Variants in TRAK1 observed in about 807,000 individuals in gnomAD.
The protein encoded by TRAK1 is trafficking kinesin-binding protein 1.
TRAK1 carries 33 observed loss-of-function variants against 92.1 expected under a neutral mutation model. The ratio of observed to expected loss-of-function variants is 0.36; its 90% CI spans 0.27 to 0.48. TRAK1 has a LOEUF of 0.48. TRAK1 is among the 20% of genes least tolerant of loss of function. The probability of loss-of-function intolerance (pLI) is 0.99; values close to 1 mark genes in which losing one functional copy is unlikely to be tolerated. For missense variants in TRAK1, 1,123 were observed against 1,257.9 expected (o/e 0.89, Z 1.62); for synonymous variants, 521 against 517.3 (o/e 1.01, Z -0.10).
At position 42,151,565 on chromosome 3, in the gene TRAK1, A is replaced by T. The variant is rs544038243; in HGVS notation, c.287-25249A>T. 30 of 294,606 alleles carry T rather than the reference A, an allele frequency of 1.0e-4. 1 individual carries two copies. Among genetic ancestry groups the T allele is most frequent in the South Asian group, 8.4e-4 (29 of 34,370 alleles). The allele number at this position is 294,606 out of a possible 1,614,324, so 18.2% of individuals were successfully genotyped here. Reference sequence around the variant, plus strand: ...GGTTTTTGAGACAGAATTTACTGGGACCACTGGTATTTTCATACTCCCATT... The same window carrying T: ...GGTTTTTGAGACAGAATTTACTGGGTCCACTGGTATTTTCATACTCCCATT... On this transcript the variant is annotated intron_variant, in intron 2 of 15. Transcript: ENST00000327628.
chr3:42,204,423 T>C (rs1281595437), intron 13 of TRAK1, among the ~76,000 whole-genome samples: 1 of 152,236 alleles, frequency 6.6e-6, no homozygotes, highest in Non-Finnish European at 1.5e-5. Context: ...GAAATCCTGT[T>C]AGATTAGCAA....
intron 1 of TRAK1, among the ~76,000 whole-genome samples, chr3:42,035,939 G>A (rs1307873399): frequency 6.6e-6 from 1 of 152,224 alleles, no homozygotes; most frequent in East Asian, 1.9e-4. Flanking sequence ...GGCAGCTCCA[G>A]CTTGTGCTGG....
chr3:42,173,702 TCA>T (rs1446367518), intron 2 of TRAK1, among the ~76,000 whole-genome samples: 1 of 152,226 alleles, frequency 6.6e-6, no homozygotes, highest in Non-Finnish European at 1.5e-5. Flanking sequence ...CAATGCAGCC[TCA>T]TTCTCTGTGA....
intron 13 of TRAK1, among the ~76,000 whole-genome samples, chr3:42,206,380 A>G (rs1428084702): frequency 6.6e-6 from 1 of 152,146 alleles, no homozygotes; most frequent in Non-Finnish European, 1.5e-5. Flanking sequence ...GAATCTAGAA[A>G]GCCATTCAGT....
At chr3:42,078,534 AT>A (rs2148947269) in intron 1 of TRAK1, among the ~76,000 whole-genome samples, 1 of 152,060 alleles carries the variant, frequency 6.6e-6, no homozygotes, top group East Asian at 1.9e-4. Flanking sequence ...CAGGCGGATC[AT>A]GAGGTCAGGA....
chr3:42,154,490 T>C (rs1277939144), intron 2 of TRAK1, among the ~76,000 whole-genome samples: 1 of 151,998 alleles, frequency 6.6e-6, no homozygotes. Flanking sequence ...TTTATTTATT[T>C]ATTTAGAGGC....
rs536156969 is a variant in TRAK1, at chr3:42,202,465, C to T, written c.1457C>T (p.Thr486Met). 2.2e-5 allele frequency: 33 copies of T among 1,487,096 alleles called. No individual in the cohort carries two copies. The Middle Eastern group carries it at 1.6e-3, about 73-fold the overall frequency. The allele number at this position is 1,487,096 out of a possible 1,614,324, so 92.1% of individuals were successfully genotyped here. The stretch of plus-strand genomic sequence containing the variant: ...GATGAGCGGAGTAAGAAGCCGGGGA[C>T]GCCGGGCACCCCAGGCTCCCACGAC... ...GNDERSKKPG[T>M]PGTPGSHDLE... The change falls in exon 13 of 16, where the codon ACG (threonine) becomes ATG (methionine). Residue 486 changes from threonine to methionine, a missense_variant. Around this residue, in one of 3 missense-constraint regions of TRAK1, gnomAD observed 686 missense variants for 747.6 expected, o/e 0.92. Coordinates refer to ENST00000327628, the MANE Select transcript of TRAK1 (RefSeq NM_001042646.3). This position sits in a 1 kb window ranked among gnomAD's most constrained non-coding sequence, Gnocchi z 6.1.
Position 42,212,424 on chromosome 3 carries a change from C to G in TRAK1, c.1963+2439C>G, listed in dbSNP as rs59942386. 11,544 of 985,290 alleles carry G rather than the reference C, an allele frequency of 0.012. 953 individuals are homozygous for G. The African/African-American group carries it at 0.18, about 15-fold the overall frequency. 61.0% of individuals were successfully genotyped at this position (985,290 alleles called of 1,614,324 possible). A position where few individuals can be genotyped will look rare whatever the true frequency, so the allele number is the denominator to read the frequency against. On this transcript the variant is annotated intron_variant, in intron 14 of 15. Coordinates refer to ENST00000327628, the MANE Select transcript of TRAK1 (RefSeq NM_001042646.3). ...GAAGGAAATTGGGAAAACTTGTATG[C>G]TAGGCACTTTTGTCCAGAGCCTGCT...
At chr3:42,195,210 G>A (rs552720988) in intron 10 of TRAK1, among the ~76,000 whole-genome samples, 6 of 152,182 alleles carry the variant, frequency 3.9e-5, no homozygotes, top group Non-Finnish European at 8.8e-5. Flanking sequence ...GCTTTAGTGG[G>A]AACCTGAGGT....
intron 2 of TRAK1, among the ~76,000 whole-genome samples, chr3:42,174,328 A>C (rs140544114): frequency 6.6e-6 from 1 of 152,268 alleles, no homozygotes; most frequent in Non-Finnish European, 1.5e-5. Flanking sequence ...ATAAAATTAC[A>C]TAGAGCTTAA....
At chr3:42,126,972 G>T (rs1030517040) in intron 2 of TRAK1, among the ~76,000 whole-genome samples, 3 of 152,140 alleles carry the variant, frequency 2.0e-5, no homozygotes, top group Non-Finnish European at 4.4e-5. Context: ...CCACACCAGG[G>T]TAGATATGAA....
At position 42,202,376 on chromosome 3, in the gene TRAK1, G is replaced by C. The variant is rs73831717; in HGVS notation, c.1428-60G>C. 84,802 of 1,434,824 alleles carry C rather than the reference G, an allele frequency of 0.059. 2,729 individuals are homozygous for C. Among genetic ancestry groups the C allele is most frequent in the Middle Eastern group, 0.075 (280 of 3,716 alleles). The allele number at this position is 1,434,824 out of a possible 1,614,324, so 88.9% of individuals were successfully genotyped here. On this transcript the variant is annotated intron_variant, in intron 12 of 15. Coordinates refer to ENST00000327628, the MANE Select transcript of TRAK1 (RefSeq NM_001042646.3). This position sits in a 1 kb window ranked among gnomAD's most constrained non-coding sequence, Gnocchi z 6.1. ...TCCACCGCTGTGCATTGAGCAGTCG[G>C]GCCTCTGTGGCCTTGGAGCCCTGCT...
At chr3:42,038,803 G>GTTTTTTT (rs35147167) in intron 1 of TRAK1, among the ~76,000 whole-genome samples, 6 of 96,760 alleles carry the variant, frequency 6.2e-5, no homozygotes, top group African/African-American at 9.1e-5. Flanking sequence ...AAAAAAAAAA[G>GTTTTTTT]TTTTTTTTTT....
At chr3:42,038,271 A>G (rs1702398263) in intron 1 of TRAK1, among the ~76,000 whole-genome samples, 1 of 152,136 alleles carries the variant, frequency 6.6e-6, no homozygotes. Flanking sequence ...GGGTGTTGGG[A>G]TAGGGTCAGG....
chr3:42,213,483 G>A (rs1011608289), intron 14 of TRAK1, among the ~76,000 whole-genome samples: 11 of 152,352 alleles, frequency 7.2e-5, no homozygotes, highest in South Asian at 2.1e-4. Context: ...AGCTTCTTTC[G>A]TTGCCTCCTT....
intron 13 of TRAK1, among the ~76,000 whole-genome samples, chr3:42,209,080 C>A (rs1708661654): frequency 6.6e-6 from 1 of 152,148 alleles, no homozygotes; most frequent in Non-Finnish European, 1.5e-5. Flanking sequence ...AGAAGATGGG[C>A]TCCCCTGCTT....
chr3:42,155,181 C>T (rs1221697116), intron 2 of TRAK1, among the ~76,000 whole-genome samples: 1 of 151,898 alleles, frequency 6.6e-6, no homozygotes, highest in Non-Finnish European at 1.5e-5. Context: ...AAAGGTGAGA[C>T]AAAGGAAAAC....
intron 2 of TRAK1, chr3:42,146,219 G>GCAGA (rs1465130632): frequency 3.3e-6 from 1 of 305,634 alleles, no homozygotes; most frequent in Non-Finnish European, 6.7e-6. Context: ...GTATCCAAAT[G>GCAGA]CGTCTTCAAT....
intron 2 of TRAK1, among the ~76,000 whole-genome samples, chr3:42,158,290 C>T (rs891319935): frequency 2.0e-5 from 3 of 152,064 alleles, no homozygotes; most frequent in African/African-American, 7.2e-5. Context: ...ACACTGTGGC[C>T]GGCACAATAT....
Sources: gnomAD v4.1 joint callset for allele counts (sites outside exome capture counted in the v4.1 genomes callset) on GRCh38, gnomAD v4.1.1 for gene constraint, gnomAD v4.1.1 regional missense constraint, Gnocchi (gnomAD v3.1) non-coding constraint, MANE v1.5 for transcripts, NCBI Gene and HGNC (gene_info 2026-07-23, HGNC 2026-07-21) for gene names.